DISC1: variants seen among roughly 807,000 people sequenced by gnomAD.
DISC1 encodes the protein disrupted in schizophrenia 1 protein.
Under a neutral mutation model 84.5 loss-of-function variants are expected in DISC1, and 57 were observed. That is an observed-to-expected ratio of 0.67 (90% CI 0.55 to 0.84). The LOEUF (loss-of-function observed/expected upper bound fraction) is 0.84. Ranked by LOEUF, DISC1 falls within the 40% of genes least tolerant of loss-of-function variation. DISC1 has a pLI of 0.00. For synonymous variants in DISC1, 411 were observed against 415.2 expected (o/e 0.99, Z 0.12); for missense variants, 1,000 against 1,057.8 (o/e 0.95, Z 0.76).
At position 232,031,289 on chromosome 1, in the gene DISC1, G is replaced by A. The variant is rs61835609; in HGVS notation, c.2425+4737G>A. On this transcript the variant is annotated intron_variant, in intron 12 of 12. Transcript: ENST00000439617. This position sits in a 1 kb window ranked among gnomAD's most constrained non-coding sequence, Gnocchi z 4.6. ...GATAAAGAAAGAAAAAGAAAGAAAA[G>A]AGGAAGGAAGGAAGGAGAGAGGGAA... Among the ~76,000 whole-genome samples the A allele has an allele frequency of 7.1e-6, 1 of 140,562 alleles. No homozygotes were observed. The highest frequency in any genetic ancestry group is 1.6e-5 in the Non-Finnish European group (1 of 63,464). 92.2% of individuals were successfully genotyped at this position (140,562 alleles called of 152,430 possible).
At position 231,829,868 on chromosome 1, in the gene DISC1, G is replaced by C. The variant is rs191416430; in HGVS notation, c.1981+11351G>C. The stretch of plus-strand genomic sequence containing the variant: ...GGGTTGTTCTCTGGCGGGCAGGAGT[G>C]GGGGGGTCACAAGGTGCTCAGTGGG... On this transcript the variant is annotated intron_variant, in intron 9 of 12. Coordinates refer to ENST00000439617, the MANE Select transcript of DISC1 (RefSeq NM_018662.3). Among the ~76,000 whole-genome samples, 163 of 150,166 alleles carry C rather than the reference G, an allele frequency of 1.1e-3. 6 individuals carry two copies. The East Asian group carries it at 0.028, about 26-fold the overall frequency.
chr1:232,039,863 T>C lies in DISC1; in HGVS notation c.*3032T>C, dbSNP rs1223127495. The C allele has an allele frequency of 6.6e-6, 1 of 152,182 alleles. No individual in the cohort carries two copies. Among genetic ancestry groups the C allele is most frequent in the Non-Finnish European group, 1.5e-5 (1 of 68,034 alleles). 9.4% of individuals were successfully genotyped at this position (152,182 alleles called of 1,614,324 possible). A position where few individuals can be genotyped will look rare whatever the true frequency, so the allele number is the denominator to read the frequency against. On this transcript the variant is annotated 3_prime_UTR_variant, in exon 13 of 13. Transcript: ENST00000439617. Reference sequence around the variant, plus strand: ...TTGACTGGGATGTTTTATGAGAATGTAAGTGTGATATTATACTGTCTGCCT... The same window carrying C: ...TTGACTGGGATGTTTTATGAGAATGCAAGTGTGATATTATACTGTCTGCCT...
chr1:231,630,077 CCCA>C lies in DISC1; in HGVS notation c.67+3151_67+3153del, dbSNP rs1033021514. Among the ~76,000 whole-genome samples, 7 of 151,988 alleles carry C rather than the reference CCCA, an allele frequency of 4.6e-5. No individual in the cohort carries two copies. The highest frequency in any genetic ancestry group is 1.7e-4 in the African/African-American group (7 of 41,360). ...CTCTCGAGTAGTGGGATTACAGGCG[CCCA>C]CCACCACATCCAGCTAATTTTTGTA... is the stretch of plus-strand genomic sequence containing the variant. On this transcript the variant is annotated intron_variant, in intron 1 of 12. Transcript: ENST00000439617. This position sits in a 1 kb window ranked among gnomAD's most constrained non-coding sequence, Gnocchi z 4.4.
At chr1:231,637,644 T>C (rs780785218) in intron 1 of DISC1, among the ~76,000 whole-genome samples, 3 of 151,558 alleles carry the variant, frequency 2.0e-5, no homozygotes, top group Non-Finnish European at 2.9e-5. Flanking sequence ...CGGTTTCCAG[T>C]TCCATCGATG....
chr1:231,628,419 T>C (rs1205120528), intron 1 of DISC1, among the ~76,000 whole-genome samples: 5 of 152,208 alleles, frequency 3.3e-5, no homozygotes, highest in Admixed American at 2.0e-4. Flanking sequence ...TATGCACATA[T>C]AAGACATGAT....
intron 9 of DISC1, among the ~76,000 whole-genome samples, chr1:231,871,475 G>A (rs2085459473): frequency 6.6e-6 from 1 of 152,166 alleles, no homozygotes; most frequent in Non-Finnish European, 1.5e-5. Flanking sequence ...GTGCTAAGTG[G>A]GTTCTCTCTT....
intron 9 of DISC1, among the ~76,000 whole-genome samples, chr1:231,929,891 G>C (rs2090551259): frequency 6.6e-6 from 1 of 152,196 alleles, no homozygotes; most frequent in Admixed American, 6.5e-5. Context: ...CTTTGTAGTA[G>C]TTAAGGGGTG....
intron 3 of DISC1, among the ~76,000 whole-genome samples, chr1:231,724,309 C>T (rs934597328): frequency 1.3e-5 from 2 of 152,146 alleles, no homozygotes; most frequent in African/African-American, 4.8e-5. Context: ...GAGCCTTTTC[C>T]CTTATCCTGA....
intron 10 of DISC1, among the ~76,000 whole-genome samples, chr1:231,975,658 G>C (rs1282000275): frequency 6.7e-6 from 1 of 149,654 alleles, no homozygotes; most frequent in South Asian, 2.1e-4. Context: ...GAAAGAATGA[G>C]ATCTTGTCAT....
At chr1:231,782,732 G>A (rs1021762143) in intron 6 of DISC1, among the ~76,000 whole-genome samples, 7 of 151,998 alleles carry the variant, frequency 4.6e-5, no homozygotes, top group Non-Finnish European at 7.4e-5. Context: ...GAGGTCAGGC[G>A]TTTCAGAGCA....
chr1:231,942,844 A>G (rs2091429249), intron 9 of DISC1, among the ~76,000 whole-genome samples: 1 of 152,138 alleles, frequency 6.6e-6, no homozygotes, highest in African/African-American at 2.4e-5. Context: ...TGCTTCTACC[A>G]GGAAAATTGC....
At chr1:231,773,853 AG>A (rs1182660036) in intron 6 of DISC1, among the ~76,000 whole-genome samples, 1 of 152,154 alleles carries the variant, frequency 6.6e-6, no homozygotes, top group Non-Finnish European at 1.5e-5. Flanking sequence ...GAGATTACAG[AG>A]GTCAGGTCAA....
intron 10 of DISC1, among the ~76,000 whole-genome samples, chr1:231,997,225 A>C (rs967271516): frequency 4.6e-5 from 7 of 152,160 alleles, no homozygotes; most frequent in African/African-American, 1.7e-4. Flanking sequence ...TGTCCCATCA[A>C]ATAGCAAATA....
intron 9 of DISC1, among the ~76,000 whole-genome samples, chr1:231,948,330 C>G (rs1008111020): frequency 3.3e-5 from 5 of 152,098 alleles, no homozygotes; most frequent in African/African-American, 1.2e-4. Context: ...CTCGAAACCA[C>G]CATTCTCCGC....
At chr1:231,772,303 A>G (rs1406779458) in intron 6 of DISC1, among the ~76,000 whole-genome samples, 1 of 152,142 alleles carries the variant, frequency 6.6e-6, no homozygotes, top group Non-Finnish European at 1.5e-5. Context: ...GACATACAGA[A>G]CGCACACTTA....
intron 9 of DISC1, among the ~76,000 whole-genome samples, chr1:231,877,071 A>G (rs200384875): frequency 1.3e-5 from 2 of 152,222 alleles, no homozygotes; most frequent in Non-Finnish European, 2.9e-5. Context: ...GGGTCAAGTC[A>G]GCAGTCACAA....
chr1:231,709,499 G>A (rs1382124187), intron 3 of DISC1, among the ~76,000 whole-genome samples: 1 of 152,000 alleles, frequency 6.6e-6, no homozygotes, highest in Non-Finnish European at 1.5e-5. Flanking sequence ...CTGCCATGTC[G>A]TGGTGTGTTT....
chr1:231,834,121 G>A (rs2082443292), intron 9 of DISC1, among the ~76,000 whole-genome samples: 1 of 152,134 alleles, frequency 6.6e-6, no homozygotes, highest in South Asian at 2.1e-4. Flanking sequence ...TATGCCTTTA[G>A]CTCCAGCCAC....
intron 10 of DISC1, among the ~76,000 whole-genome samples, chr1:231,964,352 C>T (rs1039347963): frequency 1.2e-4 from 19 of 152,208 alleles, no homozygotes; most frequent in Non-Finnish European, 1.2e-4. Context: ...CCACCTTGCC[C>T]CTGGCCTCTT....
Sources: gnomAD v4.1 joint callset for allele counts (sites outside exome capture counted in the v4.1 genomes callset) on GRCh38, gnomAD v4.1.1 for gene constraint, Gnocchi (gnomAD v3.1) non-coding constraint, MANE v1.5 for transcripts, NCBI Gene and HGNC (gene_info 2026-07-23, HGNC 2026-07-21) for gene names.